LRRC37A2: variants seen among roughly 807,000 people sequenced by gnomAD.
LRRC37A2 encodes leucine rich repeat containing 37 member A2.
Under a neutral mutation model 68.8 loss-of-function variants are expected in LRRC37A2, and 9 were observed. The observed-to-expected ratio is 0.13, with a 90% CI of 0.08 to 0.23. LRRC37A2 has a LOEUF of 0.23. Ranked by LOEUF, LRRC37A2 falls within the 10% of genes least tolerant of loss-of-function variation. LRRC37A2 has a pLI of 1.00. For synonymous variants in LRRC37A2, 63 were observed against 367.6 expected (o/e 0.17, Z 9.48); for missense variants, 168 against 950.4 (o/e 0.18, Z 10.82).
At chr17:46,610,007 C>CTCTCTT in the LRRC37A2 span, among the ~76,000 whole-genome samples, 2 of 116,972 alleles carry the variant, frequency 1.7e-5, no homozygotes, top group Non-Finnish European at 3.8e-5. Context: ...CTTTCTTTCT[C>CTCTCTT]TCTTTCTTTC....
At chr17:46,780,620 C>T in the LRRC37A2 span, among the ~76,000 whole-genome samples, 1 of 152,080 alleles carries the variant, frequency 6.6e-6, no homozygotes, top group East Asian at 1.9e-4. Context: ...ACTAAAAATA[C>T]AAAAAATTAG....
At chr17:46,740,945 C>G in the LRRC37A2 span, among the ~76,000 whole-genome samples, 1 of 152,118 alleles carries the variant, frequency 6.6e-6, no homozygotes, top group African/African-American at 2.4e-5. Flanking sequence ...ACCTTTTCTC[C>G]TAAGAGCACA....
chr17:47,008,977 C>A, the LRRC37A2 span, among the ~76,000 whole-genome samples: 1 of 151,972 alleles, frequency 6.6e-6, no homozygotes, highest in Non-Finnish European at 1.5e-5. Flanking sequence ...AAATAAATTT[C>A]ATGGAATACT....
the LRRC37A2 span, among the ~76,000 whole-genome samples, chr17:47,028,740 C>G: frequency 1.3e-5 from 2 of 150,692 alleles, no homozygotes; most frequent in Non-Finnish European, 3.0e-5. Flanking sequence ...AAACCCTGTC[C>G]CTACTATAAA....
At chr17:46,994,403 C>G in the LRRC37A2 span, among the ~76,000 whole-genome samples, 3 of 149,872 alleles carry the variant, frequency 2.0e-5, no homozygotes, top group East Asian at 5.9e-4. Flanking sequence ...AAGAAAAATG[C>G]TGGTGGGGGT....
chr17:46,835,058 G>T, the LRRC37A2 span, among the ~76,000 whole-genome samples: 4 of 152,066 alleles, frequency 2.6e-5, no homozygotes, highest in Non-Finnish European at 5.9e-5. Context: ...GCAGTAGTGC[G>T]ATCAGTGCTC....
At chr17:46,921,683 G>T in the LRRC37A2 span, among the ~76,000 whole-genome samples, 251 of 152,310 alleles carry the variant, frequency 1.6e-3, 1 homozygote, top group African/African-American at 5.7e-3. Context: ...GATATGAACA[G>T]ACACTTCTCA....
the LRRC37A2 span, among the ~76,000 whole-genome samples, chr17:47,000,069 TAAAA>T: frequency 1.8e-3 from 45 of 25,520 alleles, 1 homozygote; most frequent in Admixed American, 2.9e-3. Flanking sequence ...AAAATTAAAA[TAAAA>T]TAAAAAATAA....
At chr17:46,797,175 G>A in the LRRC37A2 span, among the ~76,000 whole-genome samples, 70 of 152,272 alleles carry the variant, frequency 4.6e-4, no homozygotes, top group African/African-American at 1.7e-3. Context: ...GTTGCCTGTG[G>A]CGATTCTTAA....
chr17:46,938,309 AAG>A, the LRRC37A2 span, among the ~76,000 whole-genome samples: 2 of 152,334 alleles, frequency 1.3e-5, no homozygotes, highest in Non-Finnish European at 2.9e-5. Flanking sequence ...ACATATCTGT[AAG>A]AGAGATACAT....
At chr17:46,870,094 A>C in the LRRC37A2 span, among the ~76,000 whole-genome samples, 1 of 152,224 alleles carries the variant, frequency 6.6e-6, no homozygotes, top group Non-Finnish European at 1.5e-5. Flanking sequence ...ATGGCATTTG[A>C]GGCAGGTCTT....
chr17:46,951,466 G>A, the LRRC37A2 span, among the ~76,000 whole-genome samples: 3 of 152,232 alleles, frequency 2.0e-5, no homozygotes, highest in African/African-American at 7.2e-5. Context: ...CACAGGTTTA[G>A]CAGTGACTTG....
At chr17:46,848,161 A>G in the LRRC37A2 span, among the ~76,000 whole-genome samples, 1 of 152,190 alleles carries the variant, frequency 6.6e-6, no homozygotes, top group Non-Finnish European at 1.5e-5. Flanking sequence ...GCTGCCCAGG[A>G]ATGTAGACAC....
At chr17:46,868,313 T>A in the LRRC37A2 span, among the ~76,000 whole-genome samples, 1 of 152,154 alleles carries the variant, frequency 6.6e-6, no homozygotes, top group East Asian at 1.9e-4. Context: ...CATATTTGGC[T>A]GGGCGTGGTG....
the LRRC37A2 span, chr17:47,010,709 C>T: frequency 2.0e-5 from 3 of 152,220 alleles, no homozygotes; most frequent in Admixed American, 6.5e-5. Flanking sequence ...CCTTGTTCTT[C>T]GGATCCTCCC....
At chr17:46,938,813 G>A in the LRRC37A2 span, 2 of 1,611,980 alleles carry the variant, frequency 1.2e-6, no homozygotes, top group East Asian at 4.5e-5. Flanking sequence ...AAGTGTGTGT[G>A]TGTGTGAAAG....
the LRRC37A2 span, among the ~76,000 whole-genome samples, chr17:47,002,746 GCTCT>G: frequency 7.2e-5 from 11 of 151,904 alleles, no homozygotes; most frequent in African/African-American, 2.2e-4. Flanking sequence ...AGCCTATTGT[GCTCT>G]CTAACACTAG....
the LRRC37A2 span, among the ~76,000 whole-genome samples, chr17:46,891,918 C>CTTTTTTTTTTTTTTTTTTTTTTTTCTTCT: frequency 1.4e-5 from 1 of 71,816 alleles, no homozygotes; most frequent in Non-Finnish European, 2.8e-5. Flanking sequence ...CTTTTCTTTT[C>CTTTTTTTTTTTTTTTTTTTTTTTTCTTCT]TTTTTTTTTT....
the LRRC37A2 span, chr17:47,018,270 C>G: frequency 1.9e-6 from 3 of 1,611,432 alleles, no homozygotes; most frequent in Admixed American, 3.3e-5. Flanking sequence ...CATCAGTGAG[C>G]AGCAGCAGCC....
Sources: allele counts gnomAD v4.1 joint callset (sites outside exome capture counted in the v4.1 genomes callset), GRCh38; gene constraint gnomAD v4.1.1; transcripts MANE v1.5; gene names NCBI Gene and HGNC (gene_info 2026-07-23, HGNC 2026-07-21).